Variants in PPP3CC observed in about 807,000 individuals in gnomAD.
The protein encoded by PPP3CC is serine/threonine-protein phosphatase 2B catalytic subunit gamma isoform.
PPP3CC carries 35 observed loss-of-function variants against 60.3 expected under a neutral mutation model. That is an observed-to-expected ratio of 0.58 (90% CI 0.44 to 0.77). PPP3CC has a LOEUF of 0.77. Ranked by LOEUF, PPP3CC falls within the 30% of genes least tolerant of loss-of-function variation. The pLI is 0.00. For missense variants in PPP3CC, 570 were observed against 628.9 expected (o/e 0.91, Z 1.00); for synonymous variants, 206 against 224.3 (o/e 0.92, Z 0.73).
intron 8 of PPP3CC, 157 bp downstream of exon 8, chr8:22,522,906 AT>A: frequency 1.8e-6 from 1 of 564,758 alleles, no homozygotes; most frequent in Non-Finnish European, 3.0e-6. Context: ...GAAATTTAGA[AT>A]TTATGCTGCT....
intron 4 of PPP3CC, among the ~76,000 whole-genome samples, chr8:22,501,021 A>T (rs1312047164): frequency 6.6e-6 from 1 of 152,098 alleles, no homozygotes; most frequent in African/African-American, 2.4e-5. Context: ...AGCTGTGCAT[A>T]GAGGCACTTA....
At chr8:22,490,395 C>A (rs1041804492) in intron 3 of PPP3CC, among the ~76,000 whole-genome samples, 1 of 152,202 alleles carries the variant, frequency 6.6e-6, no homozygotes, top group South Asian at 2.1e-4. Flanking sequence ...ACTTTGAGAA[C>A]CACTGTTGTA....
chr8:22,457,456 C>A (rs1837237242), intron 1 of PPP3CC, among the ~76,000 whole-genome samples: 1 of 151,998 alleles, frequency 6.6e-6, no homozygotes, highest in African/African-American at 2.4e-5. Flanking sequence ...GTGCACACCA[C>A]CATGCCCGAC....
rs190461883 is a variant in PPP3CC at position 22,518,579 on chromosome 8, G to A, written c.771-3912G>A. On this transcript the variant is annotated intron_variant, in intron 6 of 13. Coordinates refer to ENST00000240139, the MANE Select transcript of PPP3CC (RefSeq NM_005605.5). The stretch of plus-strand genomic sequence containing the variant: ...ATTTGGCAAAAAGTTTTGTATATGC[G>A]TATTAGGTCCATTGGGTTCATAGTG... 4.6e-5 allele frequency among the ~76,000 whole-genome samples: 7 copies of A among 152,262 alleles called. No individual in the cohort carries two copies. In the East Asian group the frequency reaches 5.8e-4, roughly 13 times the overall value.
intron 1 of PPP3CC, among the ~76,000 whole-genome samples, chr8:22,441,955 G>A (rs577082639): frequency 2.0e-5 from 3 of 152,152 alleles, no homozygotes; most frequent in South Asian, 4.1e-4. Context: ...GTATGAACAA[G>A]TCAGATAAAT....
chr8:22,480,388 A>T (rs1177038336), intron 3 of PPP3CC, among the ~76,000 whole-genome samples: 1 of 152,244 alleles, frequency 6.6e-6, no homozygotes, highest in East Asian at 1.9e-4. Flanking sequence ...TTACTAAATG[A>T]GCCTGATCAT....
chr8:22,479,086 A>AG (rs1355277427), intron 3 of PPP3CC, among the ~76,000 whole-genome samples: 1 of 152,170 alleles, frequency 6.6e-6, no homozygotes, highest in Non-Finnish European at 1.5e-5. Flanking sequence ...AAACCTCTAT[A>AG]GGCTATAGCT....
Position 22,527,280 on chromosome 8 carries a change from T to C in PPP3CC, c.944-112T>C. 4 of 1,255,984 alleles carry C rather than the reference T, an allele frequency of 3.2e-6. No homozygotes were observed. The South Asian group carries it at 4.9e-5, about 15-fold the overall frequency. 77.8% of individuals were successfully genotyped at this position (1,255,984 alleles called of 1,614,324 possible). A position where few individuals can be genotyped will look rare whatever the true frequency, so the allele number is the denominator to read the frequency against. On this transcript the variant is annotated intron_variant, in intron 8 of 13. Transcript: ENST00000240139. ...CCTTTACCTAGTCAAGTCCTGACTT[T>C]ACAAATGGAAAGTTCTCGAATTCTG...
intron 1 of PPP3CC, among the ~76,000 whole-genome samples, chr8:22,464,180 C>T (rs1837448147): frequency 6.6e-6 from 1 of 151,648 alleles, no homozygotes; most frequent in Admixed American, 6.6e-5. Flanking sequence ...CCCTTTAACC[C>T]AAATTTAATA....
At chr8:22,451,895 C>T (rs1057480626) in intron 1 of PPP3CC, among the ~76,000 whole-genome samples, 5 of 152,136 alleles carry the variant, frequency 3.3e-5, no homozygotes, top group African/African-American at 1.2e-4. Flanking sequence ...TGCAAATATT[C>T]CCAAATCTGA....
chr8:22,496,749 G>A (rs1000517418), intron 3 of PPP3CC, among the ~76,000 whole-genome samples: 6 of 151,554 alleles, frequency 4.0e-5, no homozygotes, highest in Non-Finnish European at 5.9e-5. Context: ...CACCTGCCTC[G>A]GCCTCCCCAA....
chr8:22,537,064 G>C (rs1284868625), intron 12 of PPP3CC, among the ~76,000 whole-genome samples: 1 of 152,178 alleles, frequency 6.6e-6, no homozygotes, highest in Non-Finnish European at 1.5e-5. Flanking sequence ...GATTAAAACA[G>C]ATCAGTTATA....
chr8:22,531,297 T>C, intron 10 of PPP3CC: 1 of 1,531,002 alleles, frequency 6.5e-7, no homozygotes, highest in Non-Finnish European at 8.8e-7. Context: ...TTCTTCTCCC[T>C]GAAGATCACT....
chr8:22,534,361 G>T (rs1039035859), intron 12 of PPP3CC, among the ~76,000 whole-genome samples: 4 of 151,642 alleles, frequency 2.6e-5, no homozygotes, highest in Non-Finnish European at 5.9e-5. Flanking sequence ...GTTTGAGGCT[G>T]TAGTAAGTTA....
chr8:22,473,252 T>G (rs1354317178), intron 1 of PPP3CC, among the ~76,000 whole-genome samples: 1 of 152,186 alleles, frequency 6.6e-6, no homozygotes, highest in East Asian at 1.9e-4. Context: ...CTTTTAAATT[T>G]ATGGTTTACA....
chr8:22,477,501 A>G (rs1471769072), intron 3 of PPP3CC, among the ~76,000 whole-genome samples: 3 of 151,806 alleles, frequency 2.0e-5, no homozygotes, highest in African/African-American at 4.8e-5. Context: ...AAAGAAAGAA[A>G]GTATGGATGT....
At chr8:22,443,597 T>C (rs1330957304) in intron 1 of PPP3CC, among the ~76,000 whole-genome samples, 1 of 151,008 alleles carries the variant, frequency 6.6e-6, no homozygotes, top group East Asian at 2.0e-4. Flanking sequence ...TGTCATCATA[T>C]CCTGCAGGAT....
chr8:22,533,757 G>A (rs762295944), intron 12 of PPP3CC, among the ~76,000 whole-genome samples: 5 of 152,148 alleles, frequency 3.3e-5, no homozygotes, highest in African/African-American at 9.7e-5. Flanking sequence ...TCCGGGAGGC[G>A]GAGGTTGCAG....
At chr8:22,477,481 AAAAAGAAAG>A (rs1316473796) in intron 3 of PPP3CC, among the ~76,000 whole-genome samples, 3 of 125,028 alleles carry the variant, frequency 2.4e-5, no homozygotes, top group African/African-American at 1.0e-4. Context: ...CTCAAAAAAA[AAAAAGAAAG>A]AAAGAAAGAA....
Sources: allele counts gnomAD v4.1 joint callset (sites outside exome capture counted in the v4.1 genomes callset), GRCh38; gene constraint gnomAD v4.1.1; transcripts MANE v1.5; gene names NCBI Gene and HGNC (gene_info 2026-07-23, HGNC 2026-07-21).